BAZ2A: variants seen among roughly 807,000 people sequenced by gnomAD.
BAZ2A encodes bromodomain adjacent to zinc finger domain 2A.
A neutral mutation model predicts 199.9 loss-of-function variants in BAZ2A; 34 were observed. The observed-to-expected ratio is 0.17, with a 90% CI of 0.13 to 0.23. BAZ2A has a LOEUF of 0.23. BAZ2A is among the 10% of genes least tolerant of loss of function. The pLI, the probability that BAZ2A is intolerant of heterozygous loss-of-function variation, is 1.00. For missense variants in BAZ2A, 2,002 were observed against 2,391.1 expected (o/e 0.84, Z 3.39); for synonymous variants, 857 against 883.9 (o/e 0.97, Z 0.54).
chr12:56,622,250 G>A (rs1392325054), intron 1 of BAZ2A, among the ~76,000 whole-genome samples: 1 of 152,066 alleles, frequency 6.6e-6, no homozygotes, highest in Non-Finnish European at 1.5e-5. Flanking sequence ...TGAGGCAGGA[G>A]AATTGCTTGA....
chr12:56,597,598 CTG>C lies in BAZ2A; in HGVS notation c.*1018_*1019del. 5 of 123,228 alleles carry C rather than the reference CTG, an allele frequency of 4.1e-5. No individual in the cohort carries two copies. Among genetic ancestry groups the C allele is most frequent in the African/African-American group, 1.9e-4 (5 of 26,472 alleles). The allele number at this position is 123,228 out of a possible 1,614,324, so 7.6% of individuals were successfully genotyped here. A position where few individuals can be genotyped will look rare whatever the true frequency, so the allele number is the denominator to read the frequency against. On this transcript the variant is annotated 3_prime_UTR_variant, in exon 29 of 29. Transcript: ENST00000549884. Reference sequence around the variant, plus strand: ...CACACACACAGCGCGCGCTCTGAGGCTGACACACACACACACACACACAGCGC... The same window carrying C: ...CACACACACAGCGCGCGCTCTGAGGCACACACACACACACACACACAGCGC...
At position 56,597,581 on chromosome 12, in the gene BAZ2A, C is replaced by CACACACACACACAG. The variant is rs1466468684; in HGVS notation, c.*1036_*1037insCTGTGTGTGTGTGT. 1.5e-5 allele frequency: 2 copies of CACACACACACACAG among 137,406 alleles called. No homozygotes were observed. Among genetic ancestry groups the CACACACACACACAG allele is most frequent in the South Asian group, 4.6e-4 (2 of 4,320 alleles). The allele number at this position is 137,406 out of a possible 1,614,324, so 8.5% of individuals were successfully genotyped here. A position where few individuals can be genotyped will look rare whatever the true frequency, so the allele number is the denominator to read the frequency against. ...AAGCACGCACACACACACACACACA[C>CACACACACACACAG]AGCGCGCGCTCTGAGGCTGACACAC... On this transcript the variant is annotated 3_prime_UTR_variant, in exon 29 of 29. Coordinates refer to ENST00000549884, the MANE Select transcript of BAZ2A (RefSeq NM_001300905.2).
In BAZ2A at chr12:56,603,326, T is replaced by A. The variant is rs977820390; in HGVS notation, c.3279+33A>T. 2.5e-6 allele frequency: 4 copies of A among 1,605,508 alleles called. No homozygotes were observed. The African/African-American group carries it at 5.3e-5, about 21-fold the overall frequency. On this transcript the variant is annotated intron_variant, in intron 18 of 28. Coordinates refer to ENST00000549884, the MANE Select transcript of BAZ2A (RefSeq NM_001300905.2). ...CTGATCAATTCTTGCCCAGCCCATA[T>A]CTCCAACTCTTGGGAGGTTAGAAGC... is the stretch of plus-strand genomic sequence containing the variant.
intron 2 of BAZ2A, 38 bp downstream of exon 2, chr12:56,617,357 C>A (rs746414620): frequency 1.3e-6 from 2 of 1,548,910 alleles, no homozygotes; most frequent in South Asian, 1.2e-5. Flanking sequence ...AGGGATGATG[C>A]CCATTCCCTC....
rs949618369 is a variant in BAZ2A at position 56,615,203 on chromosome 12, G to T, written c.541C>A (p.Pro181Thr). The T allele has an allele frequency of 1.9e-6, 3 of 1,613,616 alleles. No homozygotes were observed. The highest frequency in any genetic ancestry group is 2.7e-5 in the African/African-American group (2 of 74,886). ...TGTGGGGAGGTGAAAAAACTAGGGG[G>T]TCCATTGGGCATCACCTCAAAATTC... ...DQNFEVMPNG[P>T]PSFFTSPQTS... The change falls in exon 3 of 29, where the codon CCC becomes ACC. Residue 181 changes from proline to threonine, a missense_variant. Pro to Thr is a conservative substitution (Grantham distance 38). Coordinates refer to ENST00000549884, the MANE Select transcript of BAZ2A (RefSeq NM_001300905.2).
chr12:56,605,660 G>C, intron 13 of BAZ2A, 170 bp downstream of exon 13: 1 of 757,714 alleles, frequency 1.3e-6, no homozygotes, highest in South Asian at 1.9e-5. Context: ...GGGCTCAAGC[G>C]ATCTGCCCGC....
At chr12:56,638,283 TA>T, upstream of BAZ2A, 2 of 1,549,706 alleles carry the variant, frequency 1.3e-6, no homozygotes, top group South Asian at 1.1e-5. Context: ...CTTTTTGGGT[TA>T]GGGGCAAGGA....
upstream of BAZ2A, chr12:56,634,909 G>A: frequency 2.0e-6 from 2 of 985,272 alleles, no homozygotes; most frequent in Non-Finnish European, 2.4e-6. Context: ...GGCCCGCCAA[G>A]GGACTCCGGA....
In BAZ2A at chr12:56,599,014, A is replaced by G. The variant is rs1267478088; in HGVS notation, c.5403-3T>C. ...ACTCCATCTCCATCAGGATAATCCT[A>G]TCATTAGAGGGACAATGATGGCTCC... On this transcript the variant is annotated splice_region_variant and splice_polypyrimidine_tract_variant and intron_variant, in intron 27 of 28. Transcript: ENST00000549884. 2.5e-6 allele frequency: 4 copies of G among 1,610,918 alleles called. No homozygotes were observed. The highest frequency in any genetic ancestry group is 1.1e-5 in the South Asian group (1 of 90,268).
At chr12:56,616,955 G>C (rs1950742926) in intron 2 of BAZ2A, among the ~76,000 whole-genome samples, 1 of 152,134 alleles carries the variant, frequency 6.6e-6, no homozygotes, top group Non-Finnish European at 1.5e-5. Flanking sequence ...TTCCATCCAA[G>C]GACAGAAGGT....
chr12:56,623,090 G>C (rs1385837872), intron 1 of BAZ2A, among the ~76,000 whole-genome samples: 1 of 152,092 alleles, frequency 6.6e-6, no homozygotes, highest in African/African-American at 2.4e-5. Context: ...GAAAAAATTA[G>C]CCAGGCGTGG....
chr12:56,625,693 C>T (rs1297351369), intron 1 of BAZ2A, among the ~76,000 whole-genome samples: 2 of 151,488 alleles, frequency 1.3e-5, no homozygotes, highest in Admixed American at 6.6e-5. Flanking sequence ...CTGGCTAACA[C>T]GGTGAAACCC....
At chr12:56,612,402 A>G (rs1318742929) in intron 5 of BAZ2A, among the ~76,000 whole-genome samples, 156 bp from the exon 6 acceptor site, 1 of 152,300 alleles carries the variant, frequency 6.6e-6, no homozygotes, top group East Asian at 1.9e-4. Flanking sequence ...CTCCCAACCA[A>G]TCATGAGGAT....
chr12:56,601,018 G>T lies in BAZ2A; in HGVS notation c.4375C>A (p.Arg1459=). The T allele has an allele frequency of 2.5e-6, 4 of 1,610,278 alleles. No individual in the cohort carries two copies. The highest frequency in any genetic ancestry group is 3.4e-6 in the Non-Finnish European group (4 of 1,178,160). The change falls in exon 22 of 29, where the codon CGG becomes AGG. Residue 1459 remains arginine, a synonymous_variant. Coordinates refer to ENST00000549884, the MANE Select transcript of BAZ2A (RefSeq NM_001300905.2). ...MLKALHPRGI[R]EKALHKHLNK... is the part of the protein sequence containing the mutation. ...AGGTGTTTGTGAAGTGCCTTCTCCC[G>T]GATACCTCGGGGGTGTAGGGCCTTG... is the stretch of plus-strand genomic sequence containing the variant.
upstream of BAZ2A, among the ~76,000 whole-genome samples, chr12:56,631,324 C>T (rs778691615): frequency 2.0e-5 from 3 of 151,488 alleles, no homozygotes; most frequent in Non-Finnish European, 4.4e-5. Context: ...GGTGGCGTGC[C>T]CCTGTAATCT....
At chr12:56,599,559 A>T in intron 26 of BAZ2A, 143 bp downstream of exon 26, 1 of 1,316,834 alleles carries the variant, frequency 7.6e-7, no homozygotes, top group Non-Finnish European at 1.0e-6. Flanking sequence ...TTAAAGCTAT[A>T]GAATTTAAGT....
At chr12:56,615,639 A>C in intron 2 of BAZ2A, 32 bp from the exon 3 acceptor site, 3 of 1,489,130 alleles carry the variant, frequency 2.0e-6, no homozygotes, top group Non-Finnish European at 2.7e-6. Context: ...GGTCAGTTAC[A>C]GATATGTAGG....
intron 3 of BAZ2A, 95 bp from the exon 4 acceptor site, chr12:56,614,233 T>G (rs966435204): frequency 7.9e-7 from 1 of 1,273,250 alleles, no homozygotes; most frequent in Admixed American, 2.0e-5. Context: ...AGAAGGATGT[T>G]CATTCATTCA....
chr12:56,621,121 C>G (rs543820928), intron 1 of BAZ2A: 13 of 985,314 alleles, frequency 1.3e-5, no homozygotes, highest in Admixed American at 6.1e-5. Context: ...GTACACCTCC[C>G]CTGGTGTGGA....
Sources: allele counts gnomAD v4.1 joint callset (sites outside exome capture counted in the v4.1 genomes callset), GRCh38; gene constraint gnomAD v4.1.1; transcripts MANE v1.5; gene names NCBI Gene and HGNC (gene_info 2026-07-23, HGNC 2026-07-21).